The following PHLDB2 variants were observed in gnomAD, a reference collection of about 807,000 sequenced individuals.
PHLDB2 encodes pleckstrin homology like domain family B member 2, also known as pleckstrin homology-like domain family B member 2.
A neutral mutation model predicts 123.6 loss-of-function variants in PHLDB2; 71 were observed. That is an observed-to-expected ratio of 0.57 (90% CI 0.47 to 0.70). The LOEUF (loss-of-function observed/expected upper bound fraction) is 0.70. PHLDB2 is among the 30% of genes least tolerant of loss of function. The probability of loss-of-function intolerance (pLI) is 0.00; values close to 1 mark genes in which losing one functional copy is unlikely to be tolerated. For synonymous variants in PHLDB2, 547 were observed against 541.6 expected (o/e 1.01, Z -0.14); for missense variants, 1,446 against 1,519.5 (o/e 0.95, Z 0.80).
chr3:111,967,853 G>A (rs1483621441), intron 15 of PHLDB2, 29 bp downstream of exon 15: 3 of 1,580,016 alleles, frequency 1.9e-6, no homozygotes, highest in African/African-American at 1.4e-5. Context: ...ATGCATATGG[G>A]CAGGTTGCCC....
At position 111,884,802 on chromosome 3, in the gene PHLDB2, C is replaced by T. The variant is rs759353407; in HGVS notation, c.725C>T (p.Ser242Phe). The T allele has an allele frequency of 3.7e-6, 6 of 1,614,064 alleles. No homozygotes were observed. ...ATCAATTTGAGAACTAGGAAGTACT[C>T]CAGCAGCAGCCTGAGTCACATGGGA... ...ENINLRTRKY[S>F]SSSLSHMGAY... Residue 242 changes from serine (S) to phenylalanine (F), a missense_variant, in exon 2 of 18, where the codon TCC (serine) becomes TTC (phenylalanine). Transcript: ENST00000431670.
chr3:111,774,822 A>G (rs1220947607), intron 1 of PHLDB2, among the ~76,000 whole-genome samples: 12 of 152,078 alleles, frequency 7.9e-5, no homozygotes, highest in Admixed American at 7.9e-4. Context: ...TGTCAACTCC[A>G]CAGCTCGGGT....
chr3:111,904,296 G>A (rs1173785947), intron 2 of PHLDB2, among the ~76,000 whole-genome samples: 1 of 57,636 alleles, frequency 1.7e-5, no homozygotes, highest in Non-Finnish European at 3.9e-5. Flanking sequence ...AAAAGGCCAA[G>A]GGTTCTGTGG....
intron 17 of PHLDB2, among the ~76,000 whole-genome samples, chr3:111,974,166 A>C (rs1395116327): frequency 1.3e-5 from 2 of 152,182 alleles, no homozygotes; most frequent in African/African-American, 4.8e-5. Flanking sequence ...TCCTACTCTC[A>C]GCTAGGTACC....
At chr3:111,898,269 C>T (rs2066992409) in intron 2 of PHLDB2, among the ~76,000 whole-genome samples, 1 of 151,422 alleles carries the variant, frequency 6.6e-6, no homozygotes, top group Admixed American at 6.6e-5. Context: ...TGCACCTCTG[C>T]CTCCTGACAT....
chr3:111,974,218 G>C (rs561833588), intron 17 of PHLDB2, among the ~76,000 whole-genome samples: 19 of 152,294 alleles, frequency 1.2e-4, no homozygotes, highest in African/African-American at 4.6e-4. Context: ...TAATTTATGA[G>C]TTCTGTCTGA....
intron 2 of PHLDB2, among the ~76,000 whole-genome samples, chr3:111,909,603 AAAAAG>A (rs982088535): frequency 6.6e-5 from 10 of 152,136 alleles, no homozygotes; most frequent in Non-Finnish European, 1.5e-4. Flanking sequence ...GTCTCAGGAA[AAAAAG>A]AAAAAAATTT....
At chr3:111,822,878 T>A (rs1309300761) in intron 1 of PHLDB2, among the ~76,000 whole-genome samples, 3 of 142,920 alleles carry the variant, frequency 2.1e-5, no homozygotes. Context: ...AACTCTCTGT[T>A]TAGCCCTCGG....
chr3:111,780,379 G>C (rs1359416509), intron 1 of PHLDB2, among the ~76,000 whole-genome samples: 2 of 42,996 alleles, frequency 4.7e-5, no homozygotes, highest in African/African-American at 4.7e-5. Flanking sequence ...AGAAGAAGAA[G>C]AAGAAGAAGA....
intron 12 of PHLDB2, 49 bp from the exon 13 acceptor site, chr3:111,962,059 A>G: frequency 1.3e-6 from 2 of 1,540,618 alleles, no homozygotes; most frequent in South Asian, 1.2e-5. Flanking sequence ...TTTAAGATTC[A>G]AAGACTGAAA....
chr3:111,832,695 TAATA>T (rs1559856549), intron 1 of PHLDB2, among the ~76,000 whole-genome samples: 2 of 102,150 alleles, frequency 2.0e-5, no homozygotes, highest in African/African-American at 8.7e-5. Flanking sequence ...ATAATATATA[TAATA>T]GAATTATACA....
In PHLDB2 at chr3:111,952,592, A is replaced by G; in HGVS notation, c.2652A>G (p.Glu884=). The part of the protein sequence containing the change: ...QSKEHFRSLE[E]RKKQHKEGLY... ...TAAAGCACTTTAGAAGTCTGGAAGA[A>G]AGGAAAAAACAGCATAAAGAAGGCC... The change falls in exon 11 of 18, where the codon GAA becomes GAG. Residue 884 remains glutamate, a synonymous_variant. Transcript: ENST00000431670. The G allele has an allele frequency of 1.2e-6, 2 of 1,612,936 alleles. No individual in the cohort carries two copies. The highest frequency in any genetic ancestry group is 1.7e-6 in the Non-Finnish European group (2 of 1,179,654).
intron 1 of PHLDB2, among the ~76,000 whole-genome samples, chr3:111,829,568 A>T (rs2108461861): frequency 6.9e-6 from 1 of 145,546 alleles, no homozygotes; most frequent in Middle Eastern, 3.7e-3. Flanking sequence ...GGTTCAAGCG[A>T]TTCTCCTTCC....
At chr3:111,966,579 C>T (rs1248800947) in intron 13 of PHLDB2, 34 bp from the exon 14 acceptor site, 2 of 1,493,282 alleles carry the variant, frequency 1.3e-6, no homozygotes, top group Non-Finnish European at 1.9e-6. Context: ...CAGTCTAAAC[C>T]AATATTCTCA....
intron 1 of PHLDB2, among the ~76,000 whole-genome samples, chr3:111,843,181 T>G (rs1326543148): frequency 1.3e-5 from 2 of 152,230 alleles, no homozygotes; most frequent in African/African-American, 4.8e-5. Context: ...CAGATTGTGA[T>G]CCAAAGAGGC....
chr3:111,894,472 T>A (rs1164697777), intron 2 of PHLDB2, among the ~76,000 whole-genome samples: 1 of 151,982 alleles, frequency 6.6e-6, no homozygotes, highest in Non-Finnish European at 1.5e-5. Flanking sequence ...TCTAGATCCC[T>A]GAGGAATCAC....
At position 111,884,435 on chromosome 3, in the gene PHLDB2, G is replaced by A; in HGVS notation, c.358G>A (p.Gly120Arg). ...ACTCAACACTACATCCTCCCTCAGT[G>A]GATATCCACTTGGAAGAGCAGACTT... Reference protein sequence around the residue: ...PLLNTTSSLSGYPLGRADFDH... With the variant: ...PLLNTTSSLSRYPLGRADFDH... The change falls in exon 2 of 18, where the codon GGA (glycine) becomes AGA (arginine). Residue 120 changes from glycine to arginine, a missense_variant. This residue lies in a region of PHLDB2 where 832 missense variants were observed against 831.9 expected (regional missense o/e 1.00). Transcript: ENST00000431670. 9 of 1,614,134 alleles carry A rather than the reference G, an allele frequency of 5.6e-6. No homozygotes were observed. The highest frequency in any genetic ancestry group is 6.8e-6 in the Non-Finnish European group (8 of 1,180,014).
At position 111,830,048 on chromosome 3, in the gene PHLDB2, G is replaced by A. The variant is rs574704698; in HGVS notation, c.-48-15773G>A. Among the ~76,000 whole-genome samples the A allele has an allele frequency of 1.8e-3, 267 of 151,612 alleles. 2 individuals are homozygous for A. Among genetic ancestry groups the A allele is most frequent in the African/African-American group, 6.2e-3 (257 of 41,228 alleles). ...TCAACTTCTTAGCCAAGCCACTAAAGAGAAATTTGTAATTTTGTTTCTCCT... is the reference window on the plus strand; with the variant it reads ...TCAACTTCTTAGCCAAGCCACTAAAAAGAAATTTGTAATTTTGTTTCTCCT... On this transcript the variant is annotated intron_variant, in intron 1 of 17. Coordinates refer to the PHLDB2 transcript ENST00000393923.
chr3:111,936,258 C>T (rs760675035), intron 6 of PHLDB2, among the ~76,000 whole-genome samples: 3 of 152,190 alleles, frequency 2.0e-5, no homozygotes, highest in African/African-American at 4.8e-5. Context: ...TCATGCCTGG[C>T]CTTTGAGCTT....
Sources: allele counts gnomAD v4.1 joint callset (sites outside exome capture counted in the v4.1 genomes callset), GRCh38; gene constraint gnomAD v4.1.1; regional missense constraint gnomAD v4.1.1; transcripts MANE v1.5; gene names NCBI Gene and HGNC (gene_info 2026-07-23, HGNC 2026-07-21).